NFATC3: variants seen among roughly 807,000 people sequenced by gnomAD.
NFATC3 encodes nuclear factor of activated T cells 3, also known as nuclear factor of activated T-cells, cytoplasmic 3.
NFATC3 carries 46 observed loss-of-function variants against 98.6 expected under a neutral mutation model. The observed-to-expected ratio is 0.47, with a 90% confidence interval of 0.37 to 0.60. The LOEUF is 0.60. Ranked by LOEUF, NFATC3 falls within the 20% of genes least tolerant of loss-of-function variation. The pLI is 0.00. For synonymous variants in NFATC3, 512 were observed against 472.2 expected (o/e 1.08, Z -1.09); for missense variants, 1,256 against 1,295.5 (o/e 0.97, Z 0.47).
chr16:68,176,350 C>CTTTT (rs534346720), intron 6 of NFATC3, among the ~76,000 whole-genome samples: 1 of 143,892 alleles, frequency 6.9e-6, no homozygotes, highest in African/African-American at 2.5e-5. Flanking sequence ...TGCTCAACAT[C>CTTTT]TTTTTTTTTT....
intron 1 of NFATC3, among the ~76,000 whole-genome samples, chr16:68,092,487 C>T (rs983342649): frequency 6.9e-6 from 1 of 145,224 alleles, no homozygotes; most frequent in Non-Finnish European, 1.5e-5. Context: ...AAAGGCTGGG[C>T]ACGGTGGCTT....
At chr16:68,098,065 C>CA (rs2151454121) in intron 1 of NFATC3, among the ~76,000 whole-genome samples, 1 of 151,980 alleles carries the variant, frequency 6.6e-6, no homozygotes, top group South Asian at 2.1e-4. Flanking sequence ...GAGTAGTTGC[C>CA]ATTATGTATG....
chr16:68,185,283 T>C (rs2040137919), intron 8 of NFATC3, among the ~76,000 whole-genome samples: 1 of 150,734 alleles, frequency 6.6e-6, no homozygotes, highest in Non-Finnish European at 1.5e-5. Flanking sequence ...GGCCCAGGGG[T>C]TTAATTTTCT....
At chr16:68,086,778 G>C in intron 1 of NFATC3, 1 of 985,384 alleles carries the variant, frequency 1.0e-6, no homozygotes, top group Non-Finnish European at 1.2e-6. Flanking sequence ...CTGAACGTGA[G>C]GCATGAGGAT....
intron 1 of NFATC3, among the ~76,000 whole-genome samples, chr16:68,112,363 C>T (rs1474759362): frequency 1.4e-5 from 2 of 147,942 alleles, no homozygotes; most frequent in Admixed American, 6.8e-5. Context: ...CTGCAACCTC[C>T]ACCTCCTGGG....
intron 9 of NFATC3, among the ~76,000 whole-genome samples, chr16:68,208,309 T>C (rs1471948784): frequency 6.6e-6 from 1 of 152,184 alleles, no homozygotes; most frequent in African/African-American, 2.4e-5. Flanking sequence ...AGTGCAGGGT[T>C]ATAGGCATGA....
intron 9 of NFATC3, among the ~76,000 whole-genome samples, chr16:68,221,024 G>A (rs2041845864): frequency 6.6e-6 from 1 of 152,160 alleles, no homozygotes; most frequent in Non-Finnish European, 1.5e-5. Flanking sequence ...TGGGATAACA[G>A]GCATGAGCCA....
intron 6 of NFATC3, among the ~76,000 whole-genome samples, chr16:68,179,574 A>G (rs911799553): frequency 2.6e-5 from 4 of 152,262 alleles, no homozygotes; most frequent in African/African-American, 9.6e-5. Flanking sequence ...AAGTGATGCA[A>G]GCTGTGTGTG....
intron 1 of NFATC3, among the ~76,000 whole-genome samples, chr16:68,107,816 TC>T (rs1436119548): frequency 1.3e-5 from 2 of 152,008 alleles, no homozygotes; most frequent in Non-Finnish European, 2.9e-5. Flanking sequence ...TCTCTGATCA[TC>T]AGTGATGTTG....
At chr16:68,184,806 AAAAC>A (rs200628366) in intron 8 of NFATC3, among the ~76,000 whole-genome samples, 21,710 of 150,708 alleles carry the variant, frequency 0.14, 1,636 homozygotes, top group South Asian at 0.21. Context: ...TCTGTCTCAA[AAAAC>A]AAACAAACAA....
chr16:68,218,002 AG>A (rs1168857944), intron 9 of NFATC3: 1 of 1,178,884 alleles, frequency 8.5e-7, no homozygotes, highest in Admixed American at 4.5e-5. Context: ...CTAAATTTTC[AG>A]GAACTTATTT....
intron 9 of NFATC3, among the ~76,000 whole-genome samples, chr16:68,197,358 A>C (rs1315943086): frequency 6.6e-6 from 1 of 152,222 alleles, no homozygotes; most frequent in Non-Finnish European, 1.5e-5. Flanking sequence ...AACACAGCTC[A>C]CTGCATCCTC....
At chr16:68,219,005 G>A (rs1015074476) in intron 9 of NFATC3, among the ~76,000 whole-genome samples, 4 of 152,034 alleles carry the variant, frequency 2.6e-5, no homozygotes, top group Non-Finnish European at 4.4e-5. Context: ...TTAGGAGGCC[G>A]AGGCGAGGTA....
At chr16:68,196,319 C>T (rs545204999) in intron 9 of NFATC3, among the ~76,000 whole-genome samples, 1 of 152,034 alleles carries the variant, frequency 6.6e-6, no homozygotes, top group Non-Finnish European at 1.5e-5. Flanking sequence ...CGGGGTTTCG[C>T]CATGTTGGCC....
At chr16:68,210,277 G>T (rs1009479407) in intron 9 of NFATC3, among the ~76,000 whole-genome samples, 14 of 145,814 alleles carry the variant, frequency 9.6e-5, no homozygotes, top group African/African-American at 3.6e-4. Context: ...CAGCCTGGGC[G>T]ACAGAGTGAG....
At chr16:68,114,250 G>A (rs1326202178) in intron 1 of NFATC3, among the ~76,000 whole-genome samples, 5 of 152,088 alleles carry the variant, frequency 3.3e-5, no homozygotes, top group African/African-American at 1.2e-4. Flanking sequence ...TCCTAGCTCT[G>A]TGTGGATCAC....
chr16:68,088,448 TA>T (rs1188372702), intron 1 of NFATC3, among the ~76,000 whole-genome samples: 1 of 145,340 alleles, frequency 6.9e-6, no homozygotes, highest in Non-Finnish European at 1.5e-5. Flanking sequence ...ATATAATATA[TA>T]AAATGCATAT....
At chr16:68,202,357 G>A (rs553002135) in intron 9 of NFATC3, among the ~76,000 whole-genome samples, 3 of 152,082 alleles carry the variant, frequency 2.0e-5, no homozygotes, top group Non-Finnish European at 2.9e-5. Context: ...CTTTCAAAAA[G>A]CAGGTGCTTT....
rs769742861 is a variant in NFATC3, at chr16:68,152,209, CAAAAAAA to C, written c.1402-5646_1402-5640del. Among the ~76,000 whole-genome samples, 7 of 103,462 alleles carry C rather than the reference CAAAAAAA, an allele frequency of 6.8e-5. 1 individual carries two copies. Among genetic ancestry groups the C allele is most frequent in the South Asian group, 6.0e-4 (2 of 3,312 alleles). The allele number at this position is 103,462 out of a possible 152,430, so 67.9% of individuals were successfully genotyped here. On this transcript the variant is annotated intron_variant, in intron 3 of 9. Coordinates refer to ENST00000346183, the MANE Select transcript of NFATC3 (RefSeq NM_173165.3). ...GAAACGCCATCTCTACTAAAGATAC[CAAAAAAA>C]AAAAAAAAAAAAATTAGCTGGGCAT...
Sources: allele counts gnomAD v4.1 joint callset (sites outside exome capture counted in the v4.1 genomes callset), GRCh38; gene constraint gnomAD v4.1.1; transcripts MANE v1.5; gene names NCBI Gene and HGNC (gene_info 2026-07-23, HGNC 2026-07-21).